Variants in SP100 observed in about 807,000 individuals in gnomAD.
SP100 encodes SP100 nuclear body protein.
A neutral mutation model predicts 130.0 loss-of-function variants in SP100; 84 were observed. The ratio of observed to expected loss-of-function variants is 0.65; its 90% CI spans 0.54 to 0.77. The LOEUF (loss-of-function observed/expected upper bound fraction) is 0.77, where lower values mean the gene tolerates loss of function less well. Among genes scored for constraint, SP100 ranks in the 30% least tolerant of loss-of-function variants. The probability of loss-of-function intolerance (pLI) is 0.00; values close to 1 mark genes in which losing one functional copy is unlikely to be tolerated. For missense variants in SP100, 978 were observed against 1,052.2 expected (o/e 0.93, Z 0.97); for synonymous variants, 331 against 351.7 (o/e 0.94, Z 0.66).
intron 24 of SP100, chr2:230,515,264 C>A: frequency 6.2e-7 from 1 of 1,611,742 alleles, no homozygotes; most frequent in Non-Finnish European, 8.5e-7. Flanking sequence ...TATATCCCTC[C>A]TAAAGGGGAG....
chr2:230,495,991 A>G (rs943312382), intron 18 of SP100, among the ~76,000 whole-genome samples: 4 of 152,084 alleles, frequency 2.6e-5, no homozygotes, highest in Admixed American at 2.0e-4. Flanking sequence ...TTTAAATATA[A>G]CTCTACTATA....
At chr2:230,510,353 T>C (rs996099250) in intron 23 of SP100, 2 of 152,774 alleles carry the variant, frequency 1.3e-5, no homozygotes, top group African/African-American at 4.8e-5. Flanking sequence ...CAGAAAGGGT[T>C]AGAGTTATTC....
At chr2:230,478,352 G>C (rs569847170) in intron 17 of SP100, among the ~76,000 whole-genome samples, 138 of 152,220 alleles carry the variant, frequency 9.1e-4, no homozygotes, top group African/African-American at 3.1e-3. Flanking sequence ...AGAATTACAG[G>C]TTTCTTTGGA....
chr2:230,431,820 G>T (rs979606954), intron 2 of SP100, among the ~76,000 whole-genome samples: 1 of 151,990 alleles, frequency 6.6e-6, no homozygotes, highest in Non-Finnish European at 1.5e-5. Flanking sequence ...GAAAAATGTG[G>T]CTCACTAAGT....
chr2:230,477,304 G>T (rs1411997897), intron 17 of SP100, among the ~76,000 whole-genome samples: 1 of 151,972 alleles, frequency 6.6e-6, no homozygotes, highest in Non-Finnish European at 1.5e-5. Context: ...GATTTGTTAA[G>T]GGAATCTTTT....
intron 2 of SP100, among the ~76,000 whole-genome samples, chr2:230,426,146 T>G (rs2149867019): frequency 6.6e-6 from 1 of 152,300 alleles, no homozygotes; most frequent in Non-Finnish European, 1.5e-5. Context: ...CTTTTTTAAC[T>G]TGGTTAGTTT....
chr2:230,516,987 T>G (rs569876042), intron 24 of SP100, among the ~76,000 whole-genome samples: 1 of 152,154 alleles, frequency 6.6e-6, no homozygotes, highest in African/African-American at 2.4e-5. Flanking sequence ...TTAATCAAAA[T>G]TATGACTGAT....
intron 24 of SP100, among the ~76,000 whole-genome samples, chr2:230,520,981 G>A (rs574677125): frequency 2.0e-5 from 3 of 152,326 alleles, no homozygotes; most frequent in Admixed American, 1.3e-4. Context: ...TTCAGGGTCA[G>A]TGGGGTATGC....
chr2:230,513,650 A>T (rs577082519), intron 24 of SP100, among the ~76,000 whole-genome samples: 2 of 152,276 alleles, frequency 1.3e-5, no homozygotes, highest in South Asian at 2.1e-4. Context: ...GGGGAAAAAA[A>T]CCTTGTTATT....
chr2:230,541,231 C>A, intron 26 of SP100, 70 bp from the exon 27 acceptor site: 1 of 1,450,466 alleles, frequency 6.9e-7, no homozygotes, highest in South Asian at 1.2e-5. Flanking sequence ...CGTGTGTTCT[C>A]TTTGGGCAAG....
intron 11 of SP100, 79 bp downstream of exon 11, chr2:230,464,229 T>C: frequency 1.1e-6 from 1 of 873,832 alleles, no homozygotes; most frequent in Non-Finnish European, 1.9e-6. Context: ...TTGATTAATT[T>C]CATTCTGAGT....
At chr2:230,493,897 T>A (rs538588481) in intron 17 of SP100, 1 of 155,022 alleles carries the variant, frequency 6.5e-6, no homozygotes, top group East Asian at 1.9e-4. Context: ...GACTCCCAAG[T>A]AGCAGGGACT....
chr2:230,436,899 C>CACACACATATATGTGTAT (rs2063293532), intron 2 of SP100, among the ~76,000 whole-genome samples: 1 of 130,692 alleles, frequency 7.7e-6, no homozygotes, highest in African/African-American at 2.8e-5. Flanking sequence ...TATGTGTATA[C>CACACACATATATGTGTAT]ACACACGCAT....
chr2:230,524,054 C>G (rs1196383720), intron 24 of SP100, among the ~76,000 whole-genome samples: 1 of 151,388 alleles, frequency 6.6e-6, no homozygotes, highest in Non-Finnish European at 1.5e-5. Context: ...TATAAACCAG[C>G]TGGGTGTGGT....
intron 24 of SP100, among the ~76,000 whole-genome samples, chr2:230,527,012 T>C (rs1168729334): frequency 6.6e-6 from 1 of 152,134 alleles, no homozygotes; most frequent in Non-Finnish European, 1.5e-5. Flanking sequence ...CAGGATATTA[T>C]CCAGGAGAAC....
rs756765874 is a variant in SP100, at chr2:230,504,178, C to T, written c.1766-8C>T. 4 of 1,552,538 alleles carry T rather than the reference C, an allele frequency of 2.6e-6. No individual in the cohort carries two copies. The Admixed American group carries it at 6.7e-5, about 26-fold the overall frequency. On this transcript the variant is annotated splice_region_variant and splice_polypyrimidine_tract_variant and intron_variant, in intron 20 of 28. Transcript: ENST00000340126. ...AGATGGAATGGAAAAAAAAATGCTT[C>T]CTTGCAGGTCCAAGAATTCCCAAAG...
intron 24 of SP100, among the ~76,000 whole-genome samples, chr2:230,530,116 A>G (rs1265574355): frequency 6.6e-6 from 1 of 152,204 alleles, no homozygotes; most frequent in Non-Finnish European, 1.5e-5. Context: ...GAGCCCACAT[A>G]GCCAGAACAA....
chr2:230,435,018 G>A (rs756497478), intron 2 of SP100, among the ~76,000 whole-genome samples: 1 of 152,118 alleles, frequency 6.6e-6, no homozygotes, highest in African/African-American at 2.4e-5. Flanking sequence ...ATTTCTATAC[G>A]ATAGATTCCA....
rs141411612 is a variant in SP100, at chr2:230,470,059, C to A, written c.1390C>A (p.Leu464Ile). ...TTCAGACCTGAGTAATGGAGAAGAG[C>A]TTCAGGAAACCTGCAGCTCATCCCT... ...DFSDLSNGEE[L>I]QETCSSSLRR... Residue 464 changes from leucine to isoleucine, a missense_variant, in exon 15 of 29, where the codon CTT becomes ATT. By Grantham distance (5) the Leu-to-Ile change is conservative (BLOSUM62 2). Coordinates refer to ENST00000340126, the MANE Select transcript of SP100 (RefSeq NM_001080391.2). The A allele has an allele frequency of 1.3e-3, 2,100 of 1,612,054 alleles. 2 individuals carry two copies. The highest frequency in any genetic ancestry group is 1.6e-3 in the Non-Finnish European group (1,913 of 1,179,030).
Sources: gnomAD v4.1 joint callset for allele counts (sites outside exome capture counted in the v4.1 genomes callset) on GRCh38, gnomAD v4.1.1 for gene constraint, MANE v1.5 for transcripts, NCBI Gene and HGNC (gene_info 2026-07-23, HGNC 2026-07-21) for gene names.